ADAMTS16: variants seen among roughly 807,000 people sequenced by gnomAD.
The protein encoded by ADAMTS16 is A disintegrin and metalloproteinase with thrombospondin motifs 16.
Under a neutral mutation model 145.8 loss-of-function variants are expected in ADAMTS16, and 94 were observed. The ratio of observed to expected loss-of-function variants is 0.64; its 90% CI spans 0.55 to 0.77. ADAMTS16 has a LOEUF of 0.77. Ranked by LOEUF, ADAMTS16 falls within the 30% of genes least tolerant of loss-of-function variation. ADAMTS16 has a pLI of 0.00. For synonymous variants in ADAMTS16, 659 were observed against 604.3 expected (o/e 1.09, Z -1.33); for missense variants, 1,585 against 1,591.5 (o/e 1.00, Z 0.07).
At chr5:5,241,265 C>A (rs900958749) in intron 16 of ADAMTS16, among the ~76,000 whole-genome samples, 2 of 152,104 alleles carry the variant, frequency 1.3e-5, no homozygotes, top group African/African-American at 4.8e-5. Context: ...AAAAGTCTTC[C>A]AACTAAGATT....
At position 5,320,049 on chromosome 5, in the gene ADAMTS16, T is replaced by C. The variant is rs188266958; in HGVS notation, c.*911T>C. 1.9e-4 allele frequency: 72 copies of C among 380,976 alleles called. No homozygotes were observed. Among genetic ancestry groups the C allele is most frequent in the Middle Eastern group, 8.6e-4 (1 of 1,168 alleles). The allele number at this position is 380,976 out of a possible 1,614,324, so 23.6% of individuals were successfully genotyped here. A position where few individuals can be genotyped will look rare whatever the true frequency, so the allele number is the denominator to read the frequency against. ...AGCCTATGTGACAATAACCTTAGAG[T>C]CCTGTGTTTTGTTTTTGTGTGTTGT... On this transcript the variant is annotated 3_prime_UTR_variant, in exon 23 of 23. Coordinates refer to ENST00000274181, the MANE Select transcript of ADAMTS16 (RefSeq NM_139056.4). This position sits in a 1 kb window ranked among gnomAD's most constrained non-coding sequence, Gnocchi z 5.1.
intron 18 of ADAMTS16, among the ~76,000 whole-genome samples, chr5:5,270,290 G>A (rs1738413679): frequency 6.6e-6 from 1 of 152,218 alleles, no homozygotes; most frequent in Non-Finnish European, 1.5e-5. Context: ...TTTCTATGGA[G>A]TGGTCTGGTT....
chr5:5,300,612 T>C (rs1468693808), intron 18 of ADAMTS16, among the ~76,000 whole-genome samples: 1 of 152,200 alleles, frequency 6.6e-6, no homozygotes, highest in African/African-American at 2.4e-5. Context: ...AGTAAAACGA[T>C]CATGGTGCTC....
At chr5:5,219,395 C>T (rs560363592) in intron 10 of ADAMTS16, among the ~76,000 whole-genome samples, 89 of 152,276 alleles carry the variant, frequency 5.8e-4, no homozygotes, top group African/African-American at 2.0e-3. Flanking sequence ...CATCCCCCTC[C>T]ACTACACTTC....
chr5:5,307,126 G>C (rs34029195), intron 21 of ADAMTS16, among the ~76,000 whole-genome samples: 44,305 of 151,996 alleles, frequency 0.29, 6,670 homozygotes, highest in Middle Eastern at 0.36. Flanking sequence ...TGATCGGGTC[G>C]CTAGCAGCCT....
intron 17 of ADAMTS16, among the ~76,000 whole-genome samples, chr5:5,247,954 G>A (rs1484341246): frequency 6.6e-6 from 1 of 152,212 alleles, no homozygotes; most frequent in Non-Finnish European, 1.5e-5. Context: ...TCAGAATTTG[G>A]ACTGCATCCA....
At chr5:5,264,012 T>A (rs1738136529) in intron 18 of ADAMTS16, among the ~76,000 whole-genome samples, 1 of 152,138 alleles carries the variant, frequency 6.6e-6, no homozygotes, top group Admixed American at 6.5e-5. Flanking sequence ...GCAGGTCATC[T>A]TCTCCCAAAG....
At chr5:5,204,012 A>G (rs1736023575) in intron 9 of ADAMTS16, among the ~76,000 whole-genome samples, 1 of 152,178 alleles carries the variant, frequency 6.6e-6, no homozygotes, top group Non-Finnish European at 1.5e-5. Context: ...CTCATCTTAA[A>G]TCATGGCCAG....
intron 18 of ADAMTS16, among the ~76,000 whole-genome samples, chr5:5,299,169 C>A (rs1397368943): frequency 6.6e-6 from 1 of 152,184 alleles, no homozygotes; most frequent in Non-Finnish European, 1.5e-5. Context: ...GAGACTCCTG[C>A]CTAGAATTCC....
intron 5 of ADAMTS16, among the ~76,000 whole-genome samples, chr5:5,186,686 A>G (rs1392321115): frequency 6.6e-6 from 1 of 152,218 alleles, no homozygotes; most frequent in Non-Finnish European, 1.5e-5. Context: ...TATTTTATCT[A>G]TAAAAACAGG....
intron 20 of ADAMTS16, among the ~76,000 whole-genome samples, chr5:5,305,158 C>T (rs1579406026): frequency 1.5e-4 from 10 of 68,148 alleles, no homozygotes; most frequent in Non-Finnish European, 1.6e-4. Context: ...ACCACACACA[C>T]ACACATATCC....
chr5:5,194,890 C>T (rs1055955752), intron 8 of ADAMTS16, among the ~76,000 whole-genome samples: 1 of 152,102 alleles, frequency 6.6e-6, no homozygotes, highest in African/African-American at 2.4e-5. Flanking sequence ...CATACTGCTT[C>T]GAAGGTAAAT....
rs1253240405 is a variant in ADAMTS16 at position 5,303,158 on chromosome 5, C to A, written c.2790-110C>A. On this transcript the variant is annotated intron_variant, in intron 18 of 22. Coordinates refer to ENST00000274181, the MANE Select transcript of ADAMTS16 (RefSeq NM_139056.4). ...AGGTGGAACTGAAAATAACGGCACA[C>A]ACACGACCGTGGCTGGGAAATCGCG... 8 of 1,199,912 alleles carry A rather than the reference C, an allele frequency of 6.7e-6. No homozygotes were observed. In the African/African-American group the frequency reaches 1.1e-4, roughly 16 times the overall value. 74.3% of individuals were successfully genotyped at this position (1,199,912 alleles called of 1,614,324 possible).
intron 3 of ADAMTS16, among the ~76,000 whole-genome samples, chr5:5,147,399 A>G (rs1295489350): frequency 9.2e-5 from 14 of 152,140 alleles, no homozygotes; most frequent in Admixed American, 9.2e-4. Flanking sequence ...CTTTGAGGAG[A>G]GGGAATTCAG....
At chr5:5,157,686 C>A (rs1734634946) in intron 3 of ADAMTS16, among the ~76,000 whole-genome samples, 1 of 152,158 alleles carries the variant, frequency 6.6e-6, no homozygotes, top group African/African-American at 2.4e-5. Flanking sequence ...GTCTCAATAA[C>A]CCTAGGGTCC....
intron 18 of ADAMTS16, among the ~76,000 whole-genome samples, chr5:5,296,244 A>G (rs1281981882): frequency 2.6e-5 from 4 of 152,158 alleles, no homozygotes; most frequent in Non-Finnish European, 5.9e-5. Flanking sequence ...CCTGCTGCAG[A>G]CACAGTCTTC....
At chr5:5,268,879 C>T (rs554054267) in intron 18 of ADAMTS16, among the ~76,000 whole-genome samples, 14 of 152,180 alleles carry the variant, frequency 9.2e-5, no homozygotes, top group Admixed American at 1.3e-4. Flanking sequence ...AGGGCCAAGA[C>T]GGAGGTAGTC....
At chr5:5,208,037 T>C (rs948352492) in intron 9 of ADAMTS16, among the ~76,000 whole-genome samples, 2 of 152,200 alleles carry the variant, frequency 1.3e-5, no homozygotes, top group African/African-American at 4.8e-5. Flanking sequence ...TGACCTCATC[T>C]TAAAATTTAG....
intron 3 of ADAMTS16, among the ~76,000 whole-genome samples, chr5:5,161,910 A>G (rs775939417): frequency 6.6e-6 from 1 of 152,120 alleles, no homozygotes; most frequent in African/African-American, 2.4e-5. Context: ...AAAGGGCATT[A>G]TTTATCTTAC....
Sources: gnomAD v4.1 joint callset for allele counts (sites outside exome capture counted in the v4.1 genomes callset) on GRCh38, gnomAD v4.1.1 for gene constraint, Gnocchi (gnomAD v3.1) non-coding constraint, MANE v1.5 for transcripts, NCBI Gene and HGNC (gene_info 2026-07-23, HGNC 2026-07-21) for gene names.